PARD3B: variants seen among roughly 807,000 people sequenced by gnomAD.
PARD3B encodes the protein par-3 family cell polarity regulator beta.
Under a neutral mutation model 130.2 loss-of-function variants are expected in PARD3B, and 103 were observed. The observed-to-expected ratio is 0.79, with a 90% confidence interval of 0.67 to 0.93. The LOEUF (loss-of-function observed/expected upper bound fraction) is 0.93, where lower values mean the gene tolerates loss of function less well. Ranked by LOEUF, PARD3B falls within the 40% of genes least tolerant of loss-of-function variation. The pLI, the probability that PARD3B is intolerant of heterozygous loss-of-function variation, is 0.00. For missense variants in PARD3B, 1,609 were observed against 1,499.2 expected (o/e 1.07, Z -1.21); for synonymous variants, 583 against 553.2 (o/e 1.05, Z -0.76).
intron 2 of PARD3B, among the ~76,000 whole-genome samples, chr2:204,857,052 C>G (rs1028204109): frequency 9.2e-5 from 14 of 152,020 alleles, no homozygotes; most frequent in African/African-American, 3.4e-4. Context: ...ATTTGACCCC[C>G]ACTCCACTTT....
At chr2:204,704,248 G>A (rs1367157207) in intron 2 of PARD3B, among the ~76,000 whole-genome samples, 3 of 152,078 alleles carry the variant, frequency 2.0e-5, no homozygotes, top group African/African-American at 7.2e-5. Context: ...AGATATTATT[G>A]AGAATATGTT....
chr2:205,324,644 G>T (rs1054037783), intron 18 of PARD3B, among the ~76,000 whole-genome samples: 3 of 151,786 alleles, frequency 2.0e-5, no homozygotes, highest in Non-Finnish European at 4.4e-5. Flanking sequence ...CTGTGATATT[G>T]TTCTCTCAGG....
chr2:205,495,149 G>C (rs1231345619), intron 20 of PARD3B, among the ~76,000 whole-genome samples: 1 of 152,182 alleles, frequency 6.6e-6, no homozygotes, highest in Non-Finnish European at 1.5e-5. Context: ...TGAAGAAAAT[G>C]ACATGGTTTC....
chr2:205,057,717 G>GTA (rs142803986), intron 4 of PARD3B, among the ~76,000 whole-genome samples: 18 of 105,296 alleles, frequency 1.7e-4, no homozygotes, highest in South Asian at 5.6e-4. Context: ...ATGTGTATAC[G>GTA]TATATATACA....
intron 18 of PARD3B, among the ~76,000 whole-genome samples, chr2:205,364,912 T>G (rs1005092785): frequency 6.6e-5 from 10 of 152,166 alleles, no homozygotes; most frequent in Non-Finnish European, 1.5e-4. Flanking sequence ...TTAGAAAATC[T>G]GCTGTACAGC....
Position 205,125,739 on chromosome 2 carries a change from T to C in PARD3B, c.1434+2T>C, listed in dbSNP as rs2031312644. ...GGACATTTTCTGCCCCGAGAGTTGGTAATGTTCAGATCTCAGTCTCACTGA... is the reference window on the plus strand; with the variant it reads ...GGACATTTTCTGCCCCGAGAGTTGGCAATGTTCAGATCTCAGTCTCACTGA... On this transcript the variant is annotated splice_donor_variant, in intron 10 of 22. Coordinates refer to ENST00000406610, the MANE Select transcript of PARD3B (RefSeq NM_001302769.2). LOFTEE classifies it high-confidence loss of function. The surrounding 1 kb of genome is among the most constrained non-coding windows in gnomAD (Gnocchi z 4.0). The C allele has an allele frequency of 1.2e-6, 2 of 1,613,854 alleles. No homozygotes were observed. Among genetic ancestry groups the C allele is most frequent in the Admixed American group, 1.7e-5 (1 of 59,970 alleles).
intron 18 of PARD3B, among the ~76,000 whole-genome samples, chr2:205,324,045 A>G (rs2042852016): frequency 6.6e-6 from 1 of 152,164 alleles, no homozygotes; most frequent in Non-Finnish European, 1.5e-5. Context: ...AAGTATGTTT[A>G]GATACTTTCT....
rs550373229 is a variant in PARD3B at position 205,331,882 on chromosome 2, C to A, written c.2630+30181C>A. Among the ~76,000 whole-genome samples, 9 of 150,168 alleles carry A rather than the reference C, an allele frequency of 6.0e-5. No homozygotes were observed. In the East Asian group the frequency reaches 1.8e-3, roughly 30 times the overall value. ...CAGCACTTTCAGAAGCTGAGGCGGGCAGATCACAAGGTCAGGAGTTCAAAA... is the reference window on the plus strand; with the variant it reads ...CAGCACTTTCAGAAGCTGAGGCGGGAAGATCACAAGGTCAGGAGTTCAAAA... On this transcript the variant is annotated intron_variant, in intron 18 of 22. Coordinates refer to ENST00000406610, the MANE Select transcript of PARD3B (RefSeq NM_001302769.2).
chr2:205,465,658 C>T (rs1231717556), intron 20 of PARD3B, among the ~76,000 whole-genome samples: 1 of 152,174 alleles, frequency 6.6e-6, no homozygotes, highest in African/African-American at 2.4e-5. Context: ...AAGGCAGTAG[C>T]AGTTCACTTT....
At chr2:205,474,488 AT>A (rs1461755697) in intron 20 of PARD3B, among the ~76,000 whole-genome samples, 1 of 152,156 alleles carries the variant, frequency 6.6e-6, no homozygotes, top group Non-Finnish European at 1.5e-5. Flanking sequence ...TCCTGTGTCA[AT>A]TAATCTCTTT....
chr2:204,597,210 AT>A (rs1449050950), intron 1 of PARD3B, among the ~76,000 whole-genome samples: 1 of 150,720 alleles, frequency 6.6e-6, no homozygotes, highest in African/African-American at 2.4e-5. Context: ...TCCACAAGTC[AT>A]TTCTGCGAAT....
rs543646578 is a variant in PARD3B, at chr2:204,728,730, T to A, written c.222+42448T>A. ...AAAACAGTGAGTTGCATAAATCACA[T>A]AGAGAGTAGCTGAGCTAGGATTTAA... is the stretch of plus-strand genomic sequence containing the variant. On this transcript the variant is annotated intron_variant, in intron 2 of 22. Coordinates refer to ENST00000406610, the MANE Select transcript of PARD3B (RefSeq NM_001302769.2). 3.3e-5 allele frequency among the ~76,000 whole-genome samples: 5 copies of A among 152,318 alleles called. No homozygotes were observed. The East Asian group carries it at 9.6e-4, about 29-fold the overall frequency.
chr2:204,558,568 C>A (rs1364426769), intron 1 of PARD3B, among the ~76,000 whole-genome samples: 1 of 152,188 alleles, frequency 6.6e-6, no homozygotes, highest in Non-Finnish European at 1.5e-5. Context: ...GAAGAACATT[C>A]CATGCTCATG....
chr2:205,604,966 G>A (rs2054929830), intron 22 of PARD3B, among the ~76,000 whole-genome samples: 1 of 152,142 alleles, frequency 6.6e-6, no homozygotes. Flanking sequence ...TAGTCTTCAA[G>A]CTCTGAAATT....
chr2:205,221,479 A>G (rs1193140621), intron 15 of PARD3B, among the ~76,000 whole-genome samples: 2 of 152,192 alleles, frequency 1.3e-5, no homozygotes, highest in Non-Finnish European at 2.9e-5. Context: ...ATGCTGTCTT[A>G]GGTGGCATTA....
intron 4 of PARD3B, among the ~76,000 whole-genome samples, chr2:205,054,430 ATATATAT>A (rs1434622249): frequency 5.3e-5 from 2 of 37,696 alleles, no homozygotes; most frequent in African/African-American, 1.3e-4. Context: ...ATATATATAT[ATATATAT>A]TTTTTTTTTT....
intron 21 of PARD3B, among the ~76,000 whole-genome samples, chr2:205,534,858 C>T (rs1169502113): frequency 2.0e-5 from 3 of 152,140 alleles, no homozygotes; most frequent in East Asian, 3.9e-4. Flanking sequence ...AGAGTAAAAA[C>T]GATTGGCATT....
chr2:205,042,876 T>TG (rs1698488968), intron 3 of PARD3B, among the ~76,000 whole-genome samples: 1 of 139,070 alleles, frequency 7.2e-6, no homozygotes, highest in African/African-American at 2.5e-5. Context: ...TTTAACTGTG[T>TG]GAAAAAAAAA....
chr2:204,766,059 T>A (rs1037297464), intron 2 of PARD3B, among the ~76,000 whole-genome samples: 1 of 152,216 alleles, frequency 6.6e-6, no homozygotes, highest in Non-Finnish European at 1.5e-5. Flanking sequence ...CCTCCCAAAC[T>A]TGATACTTGA....
Sources: gnomAD v4.1 joint callset for allele counts (sites outside exome capture counted in the v4.1 genomes callset) on GRCh38, gnomAD v4.1.1 for gene constraint, Gnocchi (gnomAD v3.1) non-coding constraint, MANE v1.5 for transcripts, NCBI Gene and HGNC (gene_info 2026-07-23, HGNC 2026-07-21) for gene names.